The following ZPBP variants were observed in gnomAD, a reference collection of about 807,000 sequenced individuals.
The protein encoded by ZPBP is zona pellucida-binding protein 1.
ZPBP carries 26 observed loss-of-function variants against 44.8 expected under a neutral mutation model. The ratio of observed to expected loss-of-function variants is 0.58; its 90% confidence interval spans 0.43 to 0.81. ZPBP has a LOEUF of 0.81. Ranked by LOEUF, ZPBP falls within the 30% of genes least tolerant of loss-of-function variation. ZPBP has a pLI of 0.00. For synonymous variants in ZPBP, 174 were observed against 153.2 expected (o/e 1.14, Z -1.00); for missense variants, 409 against 434.0 (o/e 0.94, Z 0.51).
chr7:50,078,903 G>A lies in ZPBP; in HGVS notation c.334+2871C>T, dbSNP rs115688452. On this transcript the variant is annotated intron_variant, in intron 3 of 7. Transcript: ENST00000046087. ...CCACTAAAAAATGGGCAAAAGACATGAATAGACACTTCTCAAAAGAAGTGA... is the reference window on the plus strand; with the variant it reads ...CCACTAAAAAATGGGCAAAAGACATAAATAGACACTTCTCAAAAGAAGTGA... Among the ~76,000 whole-genome samples, 833 of 93,480 alleles carry A rather than the reference G, an allele frequency of 8.9e-3. 4 individuals carry two copies. Among genetic ancestry groups the A allele is most frequent in the African/African-American group, 0.027 (735 of 27,248 alleles). 61.3% of individuals were successfully genotyped at this position (93,480 alleles called of 152,430 possible). A position where few individuals can be genotyped will look rare whatever the true frequency, so the allele number is the denominator to read the frequency against.
chr7:49,843,909 T>C, the ZPBP span, among the ~76,000 whole-genome samples: 1 of 152,230 alleles, frequency 6.6e-6, no homozygotes, highest in African/African-American at 2.4e-5. Context: ...GATGGAGAGA[T>C]AGCAGAGCTT....
At chr7:50,018,716 C>T (rs1798936890) in intron 5 of ZPBP, among the ~76,000 whole-genome samples, 2 of 151,754 alleles carry the variant, frequency 1.3e-5, no homozygotes, top group African/African-American at 4.8e-5. Flanking sequence ...TCTCTAGCTG[C>T]AAAATGATAG....
chr7:50,069,870 A>G (rs1801747121), intron 3 of ZPBP, among the ~76,000 whole-genome samples: 1 of 152,074 alleles, frequency 6.6e-6, no homozygotes, highest in Non-Finnish European at 1.5e-5. Context: ...GCCTTATGCA[A>G]CGTCCTCAGT....
At chr7:50,015,296 G>T (rs984193736) in intron 6 of ZPBP, among the ~76,000 whole-genome samples, 3 of 152,048 alleles carry the variant, frequency 2.0e-5, no homozygotes, top group Non-Finnish European at 4.4e-5. Flanking sequence ...TGTACTCAAA[G>T]CTTCATTGTT....
At chr7:50,065,414 G>A (rs1000516640) in intron 3 of ZPBP, among the ~76,000 whole-genome samples, 1 of 150,768 alleles carries the variant, frequency 6.6e-6, no homozygotes, top group East Asian at 1.9e-4. Flanking sequence ...GTCATTCTGG[G>A]CGTTTCTCCG....
chr7:49,876,089 T>C (rs904415911), intron 2 of ZPBP, among the ~76,000 whole-genome samples: 2 of 152,190 alleles, frequency 1.3e-5, no homozygotes, highest in African/African-American at 4.8e-5. Context: ...TTGAAGTTTG[T>C]ACTTCTGGAA....
chr7:49,855,200 C>T (rs902202256), intron 2 of ZPBP, among the ~76,000 whole-genome samples: 5 of 152,208 alleles, frequency 3.3e-5, no homozygotes, highest in African/African-American at 9.6e-5. Flanking sequence ...AAAGGCAAAT[C>T]TTTCTTTTTC....
chr7:49,855,226 T>C (rs1019646000), intron 2 of ZPBP, among the ~76,000 whole-genome samples: 1 of 152,138 alleles, frequency 6.6e-6, no homozygotes, highest in Admixed American at 6.5e-5. Context: ...TCTCTGAAAA[T>C]GGGATATGTT....
chr7:49,954,437 C>T (rs999164843), intron 7 of ZPBP, among the ~76,000 whole-genome samples: 4 of 152,054 alleles, frequency 2.6e-5, no homozygotes, highest in African/African-American at 9.7e-5. Context: ...AGAAAGCGCA[C>T]GTAACTTTGA....
chr7:50,064,027 G>A lies in ZPBP; in HGVS notation c.335-5886C>T, dbSNP rs148945151. 1.1e-3 allele frequency among the ~76,000 whole-genome samples: 167 copies of A among 152,132 alleles called. 2 individuals are homozygous for A. Among genetic ancestry groups the A allele is most frequent in the Non-Finnish European group, 2.0e-3 (135 of 67,990 alleles). On this transcript the variant is annotated intron_variant, in intron 3 of 7. Transcript: ENST00000046087. Reference sequence around the variant, plus strand: ...TTATCTTTCCAGTCTCTTATGTATCGGGGGACCTGCCCCGATAATTACGTA... The same window carrying A: ...TTATCTTTCCAGTCTCTTATGTATCAGGGGACCTGCCCCGATAATTACGTA...
intron 4 of ZPBP, among the ~76,000 whole-genome samples, chr7:50,043,345 T>C (rs1330625476): frequency 6.6e-6 from 1 of 152,192 alleles, no homozygotes; most frequent in East Asian, 1.9e-4. Context: ...TATGTGTGTG[T>C]CTTTAATTCC....
chr7:50,013,832 T>C (rs1726060971), intron 6 of ZPBP, among the ~76,000 whole-genome samples: 1 of 152,118 alleles, frequency 6.6e-6, no homozygotes, highest in Admixed American at 6.6e-5. Flanking sequence ...AATGACACTA[T>C]GATAGCTTGA....
At chr7:49,924,645 G>A (rs1338800025) in intron 1 of ZPBP, among the ~76,000 whole-genome samples, 2 of 152,146 alleles carry the variant, frequency 1.3e-5, no homozygotes, top group Admixed American at 6.5e-5. Context: ...TGTCACTAGA[G>A]ACTCTGCAGT....
At chr7:50,043,016 G>T (rs1800169890) in intron 4 of ZPBP, among the ~76,000 whole-genome samples, 1 of 152,136 alleles carries the variant, frequency 6.6e-6, no homozygotes, top group Non-Finnish European at 1.5e-5. Flanking sequence ...AAGATTGTGG[G>T]TTTACCAGAA....
At chr7:50,061,511 G>C (rs1173365624) in intron 3 of ZPBP, among the ~76,000 whole-genome samples, 1 of 152,126 alleles carries the variant, frequency 6.6e-6, no homozygotes, top group Non-Finnish European at 1.5e-5. Context: ...GGCTAGCCTA[G>C]CCAACATAGT....
chr7:49,972,730 T>C (rs1796349072), intron 7 of ZPBP, among the ~76,000 whole-genome samples: 1 of 151,996 alleles, frequency 6.6e-6, no homozygotes, highest in Admixed American at 6.6e-5. Flanking sequence ...GGAAACCTCA[T>C]CCTAAAATTC....
At chr7:49,938,528 C>G (rs1794711528) in intron 7 of ZPBP, among the ~76,000 whole-genome samples, 1 of 152,124 alleles carries the variant, frequency 6.6e-6, no homozygotes, top group South Asian at 2.1e-4. Flanking sequence ...ACAATAATAA[C>G]CAATTTCATA....
At chr7:50,072,341 G>T (rs1801881868) in intron 3 of ZPBP, among the ~76,000 whole-genome samples, 1 of 152,184 alleles carries the variant, frequency 6.6e-6, no homozygotes, top group Non-Finnish European at 1.5e-5. Context: ...CAATATAATA[G>T]AACACCAGGC....
chr7:50,030,321 G>C (rs1325677894), intron 5 of ZPBP, among the ~76,000 whole-genome samples: 1 of 151,988 alleles, frequency 6.6e-6, no homozygotes, highest in African/African-American at 2.4e-5. Context: ...GACCCCAGGT[G>C]AAAAGTAAGG....
Sources: gnomAD v4.1 joint callset for allele counts (sites outside exome capture counted in the v4.1 genomes callset) on GRCh38, gnomAD v4.1.1 for gene constraint, MANE v1.5 for transcripts, NCBI Gene and HGNC (gene_info 2026-07-23, HGNC 2026-07-21) for gene names.